Variants in ZNF407 observed in about 807,000 individuals in gnomAD.
The protein encoded by ZNF407 is zinc finger protein 407.
In ZNF407, 17 loss-of-function variants were observed where a neutral mutation model predicts 131.2. The observed-to-expected ratio is 0.13, with a 90% CI of 0.09 to 0.19. ZNF407 has a LOEUF of 0.19. Among genes scored for constraint, ZNF407 ranks in the 10% least tolerant of loss-of-function variants. ZNF407 has a pLI of 1.00. For synonymous variants in ZNF407, 1,156 were observed against 1,062.0 expected (o/e 1.09, Z -1.72); for missense variants, 2,681 against 2,830.6 (o/e 0.95, Z 1.20).
chr18:75,037,127 G>A (rs1180571917), intron 8 of ZNF407, among the ~76,000 whole-genome samples: 1 of 152,208 alleles, frequency 6.6e-6, no homozygotes, highest in East Asian at 1.9e-4. Flanking sequence ...GTTTAAAGAT[G>A]TAGATTAGAG....
intron 4 of ZNF407, among the ~76,000 whole-genome samples, chr18:74,786,505 G>T (rs1969715164): frequency 6.6e-6 from 1 of 150,890 alleles, no homozygotes. Context: ...GCCAATTTAG[G>T]AAAAATAAAG....
At position 74,748,719 on chromosome 18, in the gene ZNF407, G is replaced by T. The variant is rs1968728463; in HGVS notation, c.4803-32709G>T. ...ATGTACCATTAAAAGACTTCATTAT[G>T]GCAGTATCCTATGATCTTCACATCA... On this transcript the variant is annotated intron_variant, in intron 3 of 8. Coordinates refer to ENST00000299687, the MANE Select transcript of ZNF407 (RefSeq NM_017757.3). Among the ~76,000 whole-genome samples, 4 of 152,148 alleles carry T rather than the reference G, an allele frequency of 2.6e-5. No individual in the cohort carries two copies. The South Asian group carries it at 8.3e-4, about 32-fold the overall frequency.
At chr18:74,925,678 C>G (rs1971904434) in intron 8 of ZNF407, among the ~76,000 whole-genome samples, 1 of 152,196 alleles carries the variant, frequency 6.6e-6, no homozygotes, top group South Asian at 2.1e-4. Flanking sequence ...ACATTTTGTA[C>G]AACAATTCAT....
chr18:74,738,019 A>G (rs1203435897), intron 3 of ZNF407, among the ~76,000 whole-genome samples: 1 of 152,168 alleles, frequency 6.6e-6, no homozygotes, highest in Non-Finnish European at 1.5e-5. Flanking sequence ...TAAGTGTTAG[A>G]GTACAATATA....
chr18:74,767,069 G>C (rs1215799952), intron 3 of ZNF407, among the ~76,000 whole-genome samples: 1 of 151,996 alleles, frequency 6.6e-6, no homozygotes, highest in African/African-American at 2.4e-5. Context: ...GCACCATCAT[G>C]CCTGGCTAAT....
chr18:74,788,150 G>C (rs543397571), intron 4 of ZNF407, among the ~76,000 whole-genome samples: 6 of 152,132 alleles, frequency 3.9e-5, no homozygotes, highest in African/African-American at 1.4e-4. Flanking sequence ...GTTATTTCCA[G>C]TTTTATTTAT....
At chr18:74,808,403 A>G (rs987521366) in intron 4 of ZNF407, among the ~76,000 whole-genome samples, 1 of 152,222 alleles carries the variant, frequency 6.6e-6, no homozygotes, top group African/African-American at 2.4e-5. Context: ...AATTACTATT[A>G]AAACGATTGA....
At chr18:75,013,355 CT>C in intron 8 of ZNF407, among the ~76,000 whole-genome samples, 1 of 152,206 alleles carries the variant, frequency 6.6e-6, no homozygotes, top group East Asian at 1.9e-4. Flanking sequence ...GGTAGTTGTC[CT>C]TTTCCTTTGC....
At chr18:74,988,184 C>T (rs117571316) in intron 8 of ZNF407, among the ~76,000 whole-genome samples, 2,224 of 152,250 alleles carry the variant, frequency 0.015, 29 homozygotes, top group Middle Eastern at 0.027. Flanking sequence ...TTTTAATTAA[C>T]GGTTCTGAAA....
At chr18:74,806,127 G>T (rs1046911116) in intron 4 of ZNF407, among the ~76,000 whole-genome samples, 8 of 152,172 alleles carry the variant, frequency 5.3e-5, no homozygotes, top group Admixed American at 5.2e-4. Context: ...AAGCCATCAC[G>T]TGTGCACTTA....
At chr18:74,669,020 C>A (rs570085) in intron 3 of ZNF407, among the ~76,000 whole-genome samples, 3,525 of 152,068 alleles carry the variant, frequency 0.023, 149 homozygotes, top group African/African-American at 0.08. Flanking sequence ...TTCCCTCTAC[C>A]CAGGCACACT....
At chr18:74,648,650 A>G (rs1047705527) in intron 3 of ZNF407, among the ~76,000 whole-genome samples, 4 of 152,200 alleles carry the variant, frequency 2.6e-5, no homozygotes, top group African/African-American at 7.2e-5. Context: ...ATTTTGGACA[A>G]TTGTAATGAA....
chr18:74,713,221 A>C (rs966827543), intron 3 of ZNF407, among the ~76,000 whole-genome samples: 5 of 152,142 alleles, frequency 3.3e-5, no homozygotes, highest in Non-Finnish European at 7.3e-5. Context: ...AGGGGTTTGG[A>C]ATAAAGGAAC....
chr18:74,871,665 T>C (rs1441310505), intron 4 of ZNF407, among the ~76,000 whole-genome samples: 3 of 152,172 alleles, frequency 2.0e-5, no homozygotes, highest in Non-Finnish European at 4.4e-5. Flanking sequence ...ACATACCAGA[T>C]CTTTCCCACT....
intron 7 of ZNF407, among the ~76,000 whole-genome samples, chr18:74,892,857 G>A (rs1340091493): frequency 6.6e-6 from 1 of 152,064 alleles, no homozygotes; most frequent in Non-Finnish European, 1.5e-5. Flanking sequence ...CCCTGAAAAT[G>A]CTCATGCCTA....
At chr18:74,916,469 G>T (rs1971765491) in intron 7 of ZNF407, among the ~76,000 whole-genome samples, 1 of 127,356 alleles carries the variant, frequency 7.9e-6, no homozygotes, top group African/African-American at 3.4e-5. Flanking sequence ...TGCAGCATTG[G>T]TTCGAATTGG....
intron 1 of ZNF407, among the ~76,000 whole-genome samples, chr18:74,621,303 A>G (rs1386832120): frequency 6.6e-6 from 1 of 152,166 alleles, no homozygotes; most frequent in Non-Finnish European, 1.5e-5. Flanking sequence ...TGGCCAAAAC[A>G]TAGTTGCTTA....
At chr18:74,799,485 A>G (rs1969980373) in intron 4 of ZNF407, among the ~76,000 whole-genome samples, 2 of 152,130 alleles carry the variant, frequency 1.3e-5, no homozygotes, top group Non-Finnish European at 1.5e-5. Flanking sequence ...TTCAGGTTTT[A>G]ATATTTAAAC....
chr18:74,842,873 C>T (rs963484517), intron 4 of ZNF407, among the ~76,000 whole-genome samples: 6 of 152,052 alleles, frequency 3.9e-5, no homozygotes, highest in Non-Finnish European at 8.8e-5. Context: ...TGAACCAACA[C>T]GCCCAGCTAA....
Sources: gnomAD v4.1 joint callset for allele counts (sites outside exome capture counted in the v4.1 genomes callset) on GRCh38, gnomAD v4.1.1 for gene constraint, MANE v1.5 for transcripts, NCBI Gene and HGNC (gene_info 2026-07-23, HGNC 2026-07-21) for gene names.